Variants in ADGRV1 observed in about 807,000 individuals in gnomAD.
The protein encoded by ADGRV1 is adhesion G protein-coupled receptor V1.
ADGRV1 carries 359 observed loss-of-function variants against 596.2 expected under a neutral mutation model. That is an observed-to-expected ratio of 0.60 (90% CI 0.55 to 0.66). The LOEUF is 0.66. ADGRV1 is among the 30% of genes least tolerant of loss of function. ADGRV1 has a pLI of 0.00. For synonymous variants in ADGRV1, 2,681 were observed against 2,679.2 expected (o/e 1.00, Z -0.02); for missense variants, 7,274 against 7,575.6 (o/e 0.96, Z 1.48).
At chr5:90,914,440 C>T (rs1310681478) in intron 83 of ADGRV1, among the ~76,000 whole-genome samples, 3 of 152,118 alleles carry the variant, frequency 2.0e-5, no homozygotes, top group African/African-American at 7.2e-5. Flanking sequence ...AATGATGAAA[C>T]TGAGTTTAAA....
chr5:91,011,167 A>C (rs371453778), intron 85 of ADGRV1, among the ~76,000 whole-genome samples: 4 of 151,948 alleles, frequency 2.6e-5, no homozygotes, highest in Non-Finnish European at 4.4e-5. Context: ...CTACTTTCAT[A>C]ATAAAAATGT....
chr5:91,067,246 T>G (rs1257076084), intron 85 of ADGRV1, among the ~76,000 whole-genome samples: 2 of 149,820 alleles, frequency 1.3e-5, no homozygotes, highest in Non-Finnish European at 3.0e-5. Context: ...TGGGTTCGTG[T>G]GATTCTCCTG....
intron 6 of ADGRV1, 121 bp downstream of exon 6, chr5:90,625,364 A>G: frequency 1.7e-6 from 1 of 573,832 alleles, no homozygotes; most frequent in Non-Finnish European, 3.2e-6. Flanking sequence ...CTGTTCTGGA[A>G]TACATCTTAT....
chr5:90,715,455 A>T (rs1171899687), intron 42 of ADGRV1, among the ~76,000 whole-genome samples: 1 of 152,192 alleles, frequency 6.6e-6, no homozygotes, highest in African/African-American at 2.4e-5. Flanking sequence ...GCATGGGCTG[A>T]TGCTGTCTTC....
intron 20 of ADGRV1, chr5:90,655,078 C>T (rs923981849): frequency 6.6e-5 from 10 of 152,110 alleles, no homozygotes; most frequent in African/African-American, 2.2e-4. Flanking sequence ...TAAAAGTATG[C>T]ATATTGTAAG....
chr5:90,595,229 T>G (rs1197205859), intron 1 of ADGRV1, among the ~76,000 whole-genome samples: 175 of 14,402 alleles, frequency 0.012, no homozygotes, highest in South Asian at 0.017. Flanking sequence ...CCCCACCTCC[T>G]TCCCGGACGG....
At chr5:90,890,452 C>T (rs992903128) in intron 83 of ADGRV1, among the ~76,000 whole-genome samples, 5 of 152,208 alleles carry the variant, frequency 3.3e-5, no homozygotes, top group African/African-American at 1.2e-4. Context: ...TGTAGTTCTA[C>T]CACTGCTAGT....
intron 85 of ADGRV1, among the ~76,000 whole-genome samples, chr5:91,019,696 C>T (rs1046567342): frequency 1.3e-5 from 2 of 151,882 alleles, no homozygotes; most frequent in Admixed American, 6.6e-5. Context: ...CCTGGGATTT[C>T]GGTGATAGAT....
rs1777045592 is a variant in ADGRV1 at position 90,951,312 on chromosome 5, A to G, written c.17857-14103A>G. On this transcript the variant is annotated intron_variant, in intron 83 of 89. Transcript: ENST00000405460. ...TTCTGGATGATTTTTTAAGTAATACATGTTTTGAAGTTACCTGTGGTCATT... is the reference window on the plus strand; with the variant it reads ...TTCTGGATGATTTTTTAAGTAATACGTGTTTTGAAGTTACCTGTGGTCATT... Among the ~76,000 whole-genome samples, 3 of 152,314 alleles carry G rather than the reference A, an allele frequency of 2.0e-5. No homozygotes were observed. The South Asian group carries it at 6.2e-4, about 32-fold the overall frequency.
In ADGRV1 at chr5:90,754,990, C is replaced by G. The variant is rs535263649; in HGVS notation, c.11385C>G (p.Thr3795=). ...GGCATGTTTCTCTCACAGAAAACAC[C>G]ACCACTCTTCAGTTACAAATAGCTC... is the stretch of plus-strand genomic sequence containing the variant. The part of the protein sequence containing the change: ...FIRVAEPKEN[T]TTLQLQIARD... Residue 3795 remains threonine (T), a synonymous_variant, in exon 55 of 90, where the codon ACC becomes ACG. Transcript: ENST00000405460. The G allele has an allele frequency of 1.1e-5, 18 of 1,610,746 alleles. No homozygotes were observed. In the East Asian group the frequency reaches 4.0e-4, roughly 36 times the overall value.
At chr5:90,937,648 G>A (rs1246980377) in intron 83 of ADGRV1, among the ~76,000 whole-genome samples, 1 of 151,996 alleles carries the variant, frequency 6.6e-6, no homozygotes, top group Non-Finnish European at 1.5e-5. Flanking sequence ...TAGTAGAGAC[G>A]GGGTTTCACC....
intron 86 of ADGRV1, among the ~76,000 whole-genome samples, chr5:91,078,013 T>C (rs1477786374): frequency 6.6e-6 from 1 of 152,072 alleles, no homozygotes; most frequent in African/African-American, 2.4e-5. Flanking sequence ...ACACATAGGT[T>C]TCAATATGAT....
Position 90,614,908 on chromosome 5 carries a change from A to G in ADGRV1, c.96A>G (p.Glu32=). ...TCCTATTTGTGTTTGGAGAAACAGAAATAAGATTTACTGGACAAACTGAAT... is the reference window on the plus strand; with the variant it reads ...TCCTATTTGTGTTTGGAGAAACAGAGATAAGATTTACTGGACAAACTGAAT... ...LLILFVFGET[E]IRFTGQTEFV... Residue 32 remains glutamate (E), a synonymous_variant, in exon 2 of 90, where the codon GAA becomes GAG. Coordinates refer to ENST00000405460, the MANE Select transcript of ADGRV1 (RefSeq NM_032119.4). 5 of 1,607,832 alleles carry G rather than the reference A, an allele frequency of 3.1e-6. No individual in the cohort carries two copies. The highest frequency in any genetic ancestry group is 1.3e-5 in the African/African-American group (1 of 74,882).
chr5:90,620,815 T>C (rs1264471348), intron 4 of ADGRV1, among the ~76,000 whole-genome samples: 2 of 152,222 alleles, frequency 1.3e-5, no homozygotes, highest in African/African-American at 4.8e-5. Flanking sequence ...TTTCCATATA[T>C]GGCTAGCCAG....
chr5:91,122,799 C>T (rs1366859298), intron 87 of ADGRV1, among the ~76,000 whole-genome samples: 7 of 152,142 alleles, frequency 4.6e-5, no homozygotes, highest in Admixed American at 2.6e-4. Context: ...TTCTCTTGCC[C>T]CCTCTCCGCT....
Position 90,580,550 on chromosome 5 carries a change from G to A in ADGRV1, c.22+21633G>A, listed in dbSNP as rs1280214419. Among the ~76,000 whole-genome samples the A allele has an allele frequency of 2.0e-5, 3 of 147,510 alleles. No homozygotes were observed. The East Asian group carries it at 6.0e-4, about 29-fold the overall frequency. On this transcript the variant is annotated intron_variant, in intron 1 of 89. Transcript: ENST00000405460. Reference sequence around the variant, plus strand: ...CCCGCTTTCTCCTTCACTTAGTTTGGCTGGATATGAGATTCTGGGTTGAAA... The same window carrying A: ...CCCGCTTTCTCCTTCACTTAGTTTGACTGGATATGAGATTCTGGGTTGAAA...
At chr5:90,835,574 A>C (rs1398111005) in intron 77 of ADGRV1, among the ~76,000 whole-genome samples, 2 of 152,196 alleles carry the variant, frequency 1.3e-5, no homozygotes, top group Non-Finnish European at 2.9e-5. Context: ...CTAACTAATA[A>C]AAATAAAGGC....
chr5:90,578,917 C>G (rs1757593296), intron 1 of ADGRV1, among the ~76,000 whole-genome samples: 1 of 152,112 alleles, frequency 6.6e-6, no homozygotes, highest in Non-Finnish European at 1.5e-5. Context: ...TTATAGTATT[C>G]TCTGATGGTA....
intron 84 of ADGRV1, among the ~76,000 whole-genome samples, chr5:90,977,920 G>T (rs1779750874): frequency 6.6e-6 from 1 of 152,170 alleles, no homozygotes; most frequent in African/African-American, 2.4e-5. Context: ...GGTGTAAACA[G>T]AACATAGTAA....
Sources: allele counts gnomAD v4.1 joint callset (sites outside exome capture counted in the v4.1 genomes callset), GRCh38; gene constraint gnomAD v4.1.1; transcripts MANE v1.5; gene names NCBI Gene and HGNC (gene_info 2026-07-23, HGNC 2026-07-21).